Variants in ANKS1B observed in about 807,000 individuals in gnomAD.
ANKS1B encodes ankyrin repeat and sterile alpha motif domain-containing protein 1B.
A neutral mutation model predicts 148.3 loss-of-function variants in ANKS1B; 36 were observed. That is an observed-to-expected ratio of 0.24 (90% CI 0.19 to 0.32). The LOEUF (loss-of-function observed/expected upper bound fraction) is 0.32. ANKS1B is among the 10% of genes least tolerant of loss of function. The pLI, the probability that ANKS1B is intolerant of heterozygous loss-of-function variation, is 1.00. For synonymous variants in ANKS1B, 542 were observed against 560.8 expected (o/e 0.97, Z 0.47); for missense variants, 1,157 against 1,542.6 (o/e 0.75, Z 4.19).
chr12:99,202,368 T>C (rs1183641705), intron 14 of ANKS1B, among the ~76,000 whole-genome samples: 2 of 152,230 alleles, frequency 1.3e-5, no homozygotes, highest in South Asian at 2.1e-4. Context: ...ATAAACCCTC[T>C]GTGGCTGTTC....
chr12:99,066,868 G>T (rs1308048190), intron 16 of ANKS1B, among the ~76,000 whole-genome samples: 1 of 152,178 alleles, frequency 6.6e-6, no homozygotes, highest in Non-Finnish European at 1.5e-5. Context: ...TGTGTCATGG[G>T]TCTCAGCTTG....
rs573612162 is a variant in ANKS1B at position 99,463,472 on chromosome 12, C to A, written c.1439-19663G>T. Among the ~76,000 whole-genome samples, 5 of 152,278 alleles carry A rather than the reference C, an allele frequency of 3.3e-5. No individual in the cohort carries two copies. The South Asian group carries it at 8.3e-4, about 25-fold the overall frequency. On this transcript the variant is annotated intron_variant, in intron 10 of 26. Transcript: ENST00000683438. ...TGGGTGCAGCACACCGTGCGCGAGC[C>A]GAAGCAGGGCGAGGCATTGCCTCAC...
intron 12 of ANKS1B, among the ~76,000 whole-genome samples, chr12:99,333,965 G>C (rs1363824147): frequency 6.7e-6 from 1 of 148,792 alleles, no homozygotes; most frequent in East Asian, 2.0e-4. Flanking sequence ...TATGATTTAT[G>C]GTTATGGAGC....
At chr12:99,028,399 G>A (rs761856587) in intron 17 of ANKS1B, among the ~76,000 whole-genome samples, 2 of 152,184 alleles carry the variant, frequency 1.3e-5, no homozygotes, top group Non-Finnish European at 2.9e-5. Context: ...GGGAGACATT[G>A]TAACAACAGC....
intron 9 of ANKS1B, among the ~76,000 whole-genome samples, chr12:99,531,543 A>C (rs2096990807): frequency 6.6e-6 from 1 of 152,150 alleles, no homozygotes; most frequent in Non-Finnish European, 1.5e-5. Flanking sequence ...ACATAATTTC[A>C]TTCTTTCTTA....
intron 17 of ANKS1B, among the ~76,000 whole-genome samples, chr12:98,897,142 T>C (rs950774184): frequency 6.6e-6 from 1 of 152,206 alleles, no homozygotes; most frequent in Non-Finnish European, 1.5e-5. Context: ...AAATGCTTCT[T>C]GGGAGAGCTG....
chr12:99,613,783 T>C (rs2097922196), intron 9 of ANKS1B, among the ~76,000 whole-genome samples: 1 of 151,966 alleles, frequency 6.6e-6, no homozygotes, highest in Non-Finnish European at 1.5e-5. Context: ...TGAAATAATC[T>C]GTACAACAAA....
chr12:99,063,281 C>T (rs2043040252), intron 16 of ANKS1B, among the ~76,000 whole-genome samples: 1 of 152,186 alleles, frequency 6.6e-6, no homozygotes, highest in Non-Finnish European at 1.5e-5. Flanking sequence ...ATTCTGGCTC[C>T]TTGTTCTAGA....
chr12:99,419,046 G>C (rs1036452290), intron 11 of ANKS1B, among the ~76,000 whole-genome samples: 1 of 151,886 alleles, frequency 6.6e-6, no homozygotes, highest in African/African-American at 2.4e-5. Flanking sequence ...ATTTTGTTAG[G>C]AATTTTTTGT....
chr12:99,512,123 G>C (rs2153032924), intron 9 of ANKS1B, among the ~76,000 whole-genome samples: 1 of 152,100 alleles, frequency 6.6e-6, no homozygotes, highest in East Asian at 1.9e-4. Flanking sequence ...AGAGTGAACA[G>C]ACAACCTACA....
intron 17 of ANKS1B, among the ~76,000 whole-genome samples, chr12:98,991,027 A>G (rs986278063): frequency 6.6e-6 from 1 of 152,214 alleles, no homozygotes; most frequent in African/African-American, 2.4e-5. Context: ...AAAGTAAGTC[A>G]GTGAGACTGG....
At chr12:99,623,823 T>C (rs2098083088) in intron 9 of ANKS1B, among the ~76,000 whole-genome samples, 1 of 152,072 alleles carries the variant, frequency 6.6e-6, no homozygotes, top group South Asian at 2.1e-4. Flanking sequence ...AAAATGTCCA[T>C]ACTGCCCAAA....
chr12:99,841,706 C>T (rs1334487371), intron 1 of ANKS1B, among the ~76,000 whole-genome samples: 1 of 151,982 alleles, frequency 6.6e-6, no homozygotes, highest in Non-Finnish European at 1.5e-5. Flanking sequence ...CTTTTTCTTA[C>T]ATTAATTCTG....
intron 17 of ANKS1B, among the ~76,000 whole-genome samples, chr12:99,032,991 C>G (rs1278638052): frequency 6.6e-6 from 1 of 152,204 alleles, no homozygotes; most frequent in Admixed American, 6.5e-5. Context: ...TAGTATAACT[C>G]AGGCAAAACA....
intron 16 of ANKS1B, among the ~76,000 whole-genome samples, chr12:99,074,783 G>T (rs1235829317): frequency 3.3e-5 from 5 of 152,182 alleles, no homozygotes; most frequent in Non-Finnish European, 7.4e-5. Flanking sequence ...GACCCATTCA[G>T]AACTGACCTC....
chr12:98,907,316 A>G (rs907549116), intron 17 of ANKS1B, among the ~76,000 whole-genome samples: 1 of 152,204 alleles, frequency 6.6e-6, no homozygotes, highest in African/African-American at 2.4e-5. Context: ...ACTTGGAATT[A>G]GTATTTTGTA....
At chr12:99,079,191 C>T (rs2048836734) in intron 16 of ANKS1B, among the ~76,000 whole-genome samples, 1 of 152,154 alleles carries the variant, frequency 6.6e-6, no homozygotes, top group Non-Finnish European at 1.5e-5. Context: ...TACCTGGATT[C>T]CTGACCCACA....
chr12:99,812,558 C>CACACACACACAG (rs1491407773), intron 2 of ANKS1B, among the ~76,000 whole-genome samples: 1 of 73,674 alleles, frequency 1.4e-5, no homozygotes, highest in African/African-American at 6.2e-5. Flanking sequence ...CACACACACA[C>CACACACACACAG]AGAGAGAGAG....
chr12:98,840,479 T>C (rs2099399932), intron 17 of ANKS1B, among the ~76,000 whole-genome samples: 1 of 152,126 alleles, frequency 6.6e-6, no homozygotes, highest in Non-Finnish European at 1.5e-5. Context: ...GAGCAAAGGA[T>C]AGTGAGAAAG....
Sources: allele counts gnomAD v4.1 joint callset (sites outside exome capture counted in the v4.1 genomes callset), GRCh38; gene constraint gnomAD v4.1.1; transcripts MANE v1.5; gene names NCBI Gene and HGNC (gene_info 2026-07-23, HGNC 2026-07-21).